The following NPAS3 variants were observed in gnomAD, a reference collection of about 807,000 sequenced individuals.
NPAS3 encodes neuronal PAS domain-containing protein 3.
NPAS3 carries 14 observed loss-of-function variants against 73.1 expected under a neutral mutation model. The ratio of observed to expected loss-of-function variants is 0.19; its 90% CI spans 0.13 to 0.30. The LOEUF (loss-of-function observed/expected upper bound fraction) is 0.30. Ranked by LOEUF, NPAS3 falls within the 10% of genes least tolerant of loss-of-function variation. The probability of loss-of-function intolerance (pLI) is 1.00; values close to 1 mark genes in which losing one functional copy is unlikely to be tolerated. For synonymous variants in NPAS3, 620 were observed against 541.5 expected, an observed-to-expected ratio of 1.14 and a Z score of -2.01; for missense variants, 1,096 against 1,250.0, an observed-to-expected ratio of 0.88 and a Z score of 1.86.
intron 2 of NPAS3, among the ~76,000 whole-genome samples, chr14:33,163,047 C>G (rs548382370): frequency 1.3e-5 from 2 of 152,134 alleles, no homozygotes; most frequent in Non-Finnish European, 2.9e-5. Context: ...CCTGACTCAC[C>G]GACCACTTTC....
chr14:33,198,254 A>C (rs1442099683), intron 2 of NPAS3, among the ~76,000 whole-genome samples: 1 of 151,992 alleles, frequency 6.6e-6, no homozygotes, highest in Non-Finnish European at 1.5e-5. Context: ...AGGGGACCCA[A>C]GCAGTTTGCC....
In NPAS3 at chr14:33,800,487, G is replaced by T. The variant is rs1406731636; in HGVS notation, c.2180G>T (p.Arg727Leu). ...CCCGGCGCCGACGGCGCGGCCGCCC[G>T]CAAGACTCAGTTCGGCGCCTCGGCC... Residue 727 changes from arginine (R) to leucine (L), a missense_variant, in exon 12 of 12, where the codon CGC becomes CTC. Arg to Leu is a moderately radical substitution (Grantham distance 102). Coordinates refer to ENST00000356141, the Ensembl canonical transcript of NPAS3. This position sits in a 1 kb window ranked among gnomAD's most constrained non-coding sequence, Gnocchi z 6.5. 20 of 1,477,124 alleles carry T rather than the reference G, an allele frequency of 1.4e-5. No homozygotes were observed. Among genetic ancestry groups the T allele is most frequent in the Non-Finnish European group, 1.6e-5 (18 of 1,120,640 alleles). The allele number at this position is 1,477,124 out of a possible 1,614,324, so 91.5% of individuals were successfully genotyped here. A position where few individuals can be genotyped will look rare whatever the true frequency, so the allele number is the denominator to read the frequency against.
At chr14:33,441,057 A>T (rs2049226385) in intron 4 of NPAS3, among the ~76,000 whole-genome samples, 1 of 152,216 alleles carries the variant, frequency 6.6e-6, no homozygotes, top group South Asian at 2.1e-4. Flanking sequence ...AAGTTAAGCC[A>T]TTGGACTTGC....
At chr14:33,272,233 T>C (rs1369981795) in intron 3 of NPAS3, among the ~76,000 whole-genome samples, 1 of 152,204 alleles carries the variant, frequency 6.6e-6, no homozygotes, top group Non-Finnish European at 1.5e-5. Flanking sequence ...AAAGACTCAG[T>C]CGCTGTACAT....
chr14:33,487,737 C>T (rs1170479513), intron 4 of NPAS3, among the ~76,000 whole-genome samples: 3 of 152,122 alleles, frequency 2.0e-5, no homozygotes, highest in East Asian at 3.9e-4. Context: ...GTGAGTTCTA[C>T]GTAATTTTCC....
chr14:33,441,923 T>C (rs1302086587), intron 4 of NPAS3, among the ~76,000 whole-genome samples: 5 of 151,728 alleles, frequency 3.3e-5, no homozygotes, highest in Non-Finnish European at 7.4e-5. Flanking sequence ...TTCAATTACC[T>C]CCCCCCAGGT....
chr14:33,452,923 T>G (rs1232812273), intron 4 of NPAS3, among the ~76,000 whole-genome samples: 2 of 152,180 alleles, frequency 1.3e-5, no homozygotes, highest in Non-Finnish European at 2.9e-5. Context: ...TTCTTGTAAT[T>G]ATGCTTGGGT....
chr14:33,028,490 A>T (rs769227200), intron 1 of NPAS3, among the ~76,000 whole-genome samples: 2 of 152,222 alleles, frequency 1.3e-5, no homozygotes. Flanking sequence ...TATAGACATT[A>T]TTCTCCTGCT....
chr14:33,498,984 G>GTGTA (rs1375396109), intron 4 of NPAS3, among the ~76,000 whole-genome samples: 6 of 147,236 alleles, frequency 4.1e-5, no homozygotes, highest in Non-Finnish European at 7.5e-5. Flanking sequence ...GTGTGTGTGT[G>GTGTA]TGTGTGGTGG....
At chr14:33,119,149 A>C (rs2139022295) in intron 2 of NPAS3, among the ~76,000 whole-genome samples, 1 of 152,214 alleles carries the variant, frequency 6.6e-6, no homozygotes, top group Non-Finnish European at 1.5e-5. Context: ...GGTATCATGT[A>C]ATGTTACTTA....
At chr14:33,761,729 A>T (rs58478892) in intron 7 of NPAS3, among the ~76,000 whole-genome samples, 1 of 152,024 alleles carries the variant, frequency 6.6e-6, no homozygotes, top group African/African-American at 2.4e-5. Context: ...GACTTGAGGA[A>T]GGAAATTTTT....
intron 5 of NPAS3, among the ~76,000 whole-genome samples, chr14:33,621,663 C>T (rs2058078833): frequency 6.6e-6 from 1 of 152,050 alleles, no homozygotes; most frequent in African/African-American, 2.4e-5. Flanking sequence ...TAGATTACGT[C>T]AAAGTGAGCA....
chr14:33,552,624 C>G, intron 4 of NPAS3, among the ~76,000 whole-genome samples: 1 of 150,866 alleles, frequency 6.6e-6, no homozygotes, highest in East Asian at 1.9e-4. Context: ...AGTCTATATT[C>G]GACAGGATGT....
chr14:33,204,722 C>T (rs1336904846), intron 2 of NPAS3, among the ~76,000 whole-genome samples: 1 of 152,124 alleles, frequency 6.6e-6, no homozygotes, highest in African/African-American at 2.4e-5. Flanking sequence ...GAAACCCTAG[C>T]TGCATTCTAA....
intron 7 of NPAS3, among the ~76,000 whole-genome samples, chr14:33,766,855 C>G (rs1474746791): frequency 1.3e-5 from 2 of 152,186 alleles, no homozygotes; most frequent in South Asian, 4.1e-4. Flanking sequence ...CTCACTTCCA[C>G]CTTGTGAAGT....
At chr14:33,302,691 G>A (rs553829847) in intron 3 of NPAS3, among the ~76,000 whole-genome samples, 33 of 152,276 alleles carry the variant, frequency 2.2e-4, no homozygotes, top group African/African-American at 6.3e-4. Context: ...CACAGTCTAC[G>A]TTACGCTACA....
chr14:33,798,761 G>A (rs573891239), intron 11 of NPAS3, among the ~76,000 whole-genome samples: 1 of 152,242 alleles, frequency 6.6e-6, no homozygotes, highest in African/African-American at 2.4e-5. Context: ...TTTTAATACA[G>A]TGCATAGTTG....
chr14:33,663,316 G>T (rs1367019571), intron 5 of NPAS3, among the ~76,000 whole-genome samples: 3 of 152,068 alleles, frequency 2.0e-5, no homozygotes, highest in African/African-American at 7.2e-5. Flanking sequence ...TTTATCTGTT[G>T]AGATAATCAT....
chr14:33,253,713 T>C (rs1440790331), intron 3 of NPAS3, among the ~76,000 whole-genome samples: 2 of 152,226 alleles, frequency 1.3e-5, no homozygotes, highest in African/African-American at 4.8e-5. Context: ...CCCTGGTTTC[T>C]GTTACTCTGG....
Sources: allele counts gnomAD v4.1 joint callset (sites outside exome capture counted in the v4.1 genomes callset), GRCh38; gene constraint gnomAD v4.1.1; non-coding constraint Gnocchi (gnomAD v3.1); transcripts MANE v1.5; gene names NCBI Gene and HGNC (gene_info 2026-07-23, HGNC 2026-07-21).